The following BTBD9 variants were observed in gnomAD, a reference collection of about 807,000 sequenced individuals.
BTBD9 encodes the protein BTB domain containing 9, also known as BTB/POZ domain-containing protein 9.
A neutral mutation model predicts 64.3 loss-of-function variants in BTBD9; 49 were observed. That is an observed-to-expected ratio of 0.76 (90% CI 0.61 to 0.97). BTBD9 has a LOEUF of 0.97. Ranked by LOEUF, BTBD9 falls within the 50% of genes least tolerant of loss-of-function variation. The pLI is 0.00. For synonymous variants in BTBD9, 260 were observed against 274.7 expected (o/e 0.95, Z 0.53); for missense variants, 598 against 762.1 (o/e 0.78, Z 2.53).
intron 8 of BTBD9, among the ~76,000 whole-genome samples, chr6:38,281,338 G>A (rs1761508936): frequency 1.3e-5 from 2 of 152,196 alleles, no homozygotes; most frequent in African/African-American, 4.8e-5. Context: ...CCACACAATA[G>A]TGAAAGGACA....
intron 9 of BTBD9, among the ~76,000 whole-genome samples, chr6:38,199,944 C>T (rs796858176): frequency 2.6e-5 from 4 of 152,330 alleles, no homozygotes; most frequent in African/African-American, 9.6e-5. Context: ...ATCCTCGAGG[C>T]TTGGGGTGGA....
At chr6:38,257,617 T>A (rs944204348) in intron 8 of BTBD9, among the ~76,000 whole-genome samples, 5 of 152,196 alleles carry the variant, frequency 3.3e-5, no homozygotes, top group African/African-American at 9.7e-5. Flanking sequence ...ATTATCTGAT[T>A]TGGAGATATA....
chr6:38,414,829 G>A (rs1459424206), intron 6 of BTBD9, among the ~76,000 whole-genome samples: 1 of 152,022 alleles, frequency 6.6e-6, no homozygotes, highest in East Asian at 1.9e-4. Flanking sequence ...TTTAAGAGTT[G>A]TGCCCGGCTT....
chr6:38,255,944 A>G (rs1764562840), intron 9 of BTBD9, among the ~76,000 whole-genome samples: 1 of 152,124 alleles, frequency 6.6e-6, no homozygotes, highest in Non-Finnish European at 1.5e-5. Context: ...GGAGAGGGAT[A>G]GCATTAAGAG....
intron 6 of BTBD9, among the ~76,000 whole-genome samples, chr6:38,434,453 G>A (rs946254016): frequency 6.6e-6 from 1 of 151,834 alleles, no homozygotes; most frequent in Non-Finnish European, 1.5e-5. Flanking sequence ...ACACCTCCCA[G>A]CCCCGCTTTG....
intron 6 of BTBD9, among the ~76,000 whole-genome samples, chr6:38,448,934 C>T (rs1036768942): frequency 1.3e-5 from 2 of 152,068 alleles, no homozygotes; most frequent in Admixed American, 1.3e-4. Context: ...ACCACATGGC[C>T]CATCTGGGTA....
At chr6:38,607,068 A>T (rs1777454357) in intron 1 of BTBD9, among the ~76,000 whole-genome samples, 1 of 152,192 alleles carries the variant, frequency 6.6e-6, no homozygotes, top group Non-Finnish European at 1.5e-5. Flanking sequence ...GATAAGAATG[A>T]AATGCTATTT....
intron 8 of BTBD9, among the ~76,000 whole-genome samples, chr6:38,266,652 A>AG (rs1765010231): frequency 1.5e-5 from 2 of 136,964 alleles, no homozygotes; most frequent in African/African-American, 3.4e-5. Flanking sequence ...GAAAGAAAGA[A>AG]AGAAAGAAAG....
intron 4 of BTBD9, among the ~76,000 whole-genome samples, chr6:38,586,659 A>C (rs1776542820): frequency 6.6e-6 from 1 of 152,178 alleles, no homozygotes. Context: ...AAATAAACAG[A>C]CCTATCTTTT....
At chr6:38,354,301 T>C (rs1428895054) in intron 6 of BTBD9, among the ~76,000 whole-genome samples, 2 of 152,162 alleles carry the variant, frequency 1.3e-5, no homozygotes, top group Admixed American at 6.5e-5. Context: ...CTTCTGCATA[T>C]TGTACAAACA....
intron 6 of BTBD9, among the ~76,000 whole-genome samples, chr6:38,542,294 C>T (rs34222507): frequency 0.19 from 28,219 of 152,022 alleles, 2,638 homozygotes; most frequent in East Asian, 0.27. Context: ...CTTCCCGCAC[C>T]CACAGTATGT....
intron 8 of BTBD9, among the ~76,000 whole-genome samples, chr6:38,259,981 G>A (rs1764735700): frequency 6.6e-6 from 1 of 152,160 alleles, no homozygotes; most frequent in South Asian, 2.1e-4. Flanking sequence ...TCCTTCATTA[G>A]TCATTTCCTC....
rs144694435 is a variant in BTBD9 at position 38,453,581 on chromosome 6, G to A, written c.1155-108488C>T. 1.1e-3 allele frequency among the ~76,000 whole-genome samples: 160 copies of A among 152,226 alleles called. 4 individuals carry two copies. The East Asian group carries it at 0.027, about 26-fold the overall frequency. On this transcript the variant is annotated intron_variant, in intron 6 of 10. Transcript: ENST00000481247. ...TGGTTTTATCACTTTTAAATGACAAGTTTTTTTAAAATGCTATGATATAGT... is the reference window on the plus strand; with the variant it reads ...TGGTTTTATCACTTTTAAATGACAAATTTTTTTAAAATGCTATGATATAGT...
At chr6:38,245,698 G>A (rs1331505424) in intron 9 of BTBD9, among the ~76,000 whole-genome samples, 6 of 152,322 alleles carry the variant, frequency 3.9e-5, no homozygotes, top group Admixed American at 2.0e-4. Context: ...GGAGGGCACA[G>A]AGGGAATGTG....
At chr6:38,630,864 A>G (rs1425159396) in intron 1 of BTBD9, among the ~76,000 whole-genome samples, 1 of 152,220 alleles carries the variant, frequency 6.6e-6, no homozygotes, top group Non-Finnish European at 1.5e-5. Context: ...TTAGTAAAGT[A>G]CCCAAAGGAC....
chr6:38,572,022 C>A (rs563106824), intron 6 of BTBD9, among the ~76,000 whole-genome samples: 1 of 151,418 alleles, frequency 6.6e-6, no homozygotes, highest in Non-Finnish European at 1.5e-5. Flanking sequence ...AAAACAATGA[C>A]CAGAAAATAT....
intron 1 of BTBD9, among the ~76,000 whole-genome samples, chr6:38,630,558 T>G (rs556015624): frequency 1.2e-4 from 19 of 152,250 alleles, no homozygotes; most frequent in Non-Finnish European, 2.2e-4. Context: ...ATGTTAACAT[T>G]TGGGAGATGT....
chr6:38,564,695 T>C (rs763816180), intron 6 of BTBD9, among the ~76,000 whole-genome samples: 1 of 152,146 alleles, frequency 6.6e-6, no homozygotes, highest in Admixed American at 6.5e-5. Flanking sequence ...GAGACCATCC[T>C]GGCTAACATG....
intron 6 of BTBD9, among the ~76,000 whole-genome samples, chr6:38,433,525 C>T (rs1024876735): frequency 1.3e-5 from 2 of 151,818 alleles, no homozygotes; most frequent in African/African-American, 4.9e-5. Context: ...AACTGAGCAC[C>T]TTGTGACCCC....
Sources: allele counts gnomAD v4.1 joint callset (sites outside exome capture counted in the v4.1 genomes callset), GRCh38; gene constraint gnomAD v4.1.1; transcripts MANE v1.5; gene names NCBI Gene and HGNC (gene_info 2026-07-23, HGNC 2026-07-21).